PRKCE: variants seen among roughly 807,000 people sequenced by gnomAD.
PRKCE encodes the protein protein kinase C epsilon type.
In PRKCE, 16 loss-of-function variants were observed where a neutral mutation model predicts 85.4. The ratio of observed to expected loss-of-function variants is 0.19; its 90% CI spans 0.13 to 0.28. The LOEUF (loss-of-function observed/expected upper bound fraction) is 0.28, where lower values mean the gene tolerates loss of function less well. Among genes scored for constraint, PRKCE ranks in the 10% least tolerant of loss-of-function variants. PRKCE has a pLI of 1.00. For synonymous variants in PRKCE, 388 were observed against 371.5 expected, an observed-to-expected ratio of 1.04 and a Z score of -0.51; for missense variants, 573 against 975.2, an observed-to-expected ratio of 0.59 and a Z score of 5.49.
intron 1 of PRKCE, among the ~76,000 whole-genome samples, chr2:45,780,594 T>C (rs892681977): frequency 1.3e-5 from 2 of 152,194 alleles, no homozygotes; most frequent in Non-Finnish European, 2.9e-5. Context: ...CTTTCACTTG[T>C]CTTTCGAGGC....
At chr2:45,957,334 A>G (rs1338744840) in intron 2 of PRKCE, among the ~76,000 whole-genome samples, 1 of 152,212 alleles carries the variant, frequency 6.6e-6, no homozygotes, top group African/African-American at 2.4e-5. Context: ...TTATGCATGG[A>G]CATTCAATTG....
chr2:46,083,009 G>A (rs1004967156), intron 10 of PRKCE, among the ~76,000 whole-genome samples: 2 of 152,074 alleles, frequency 1.3e-5, no homozygotes, highest in African/African-American at 2.4e-5. Flanking sequence ...GTGCAGTGGC[G>A]CAATCTCAGC....
intron 2 of PRKCE, among the ~76,000 whole-genome samples, chr2:45,948,031 C>A (rs1299810152): frequency 6.6e-6 from 1 of 152,198 alleles, no homozygotes; most frequent in Non-Finnish European, 1.5e-5. Flanking sequence ...GCATTGCTCA[C>A]CTACGTGAAT....
intron 2 of PRKCE, among the ~76,000 whole-genome samples, chr2:45,957,221 T>A (rs1701032994): frequency 2.6e-5 from 4 of 152,262 alleles, no homozygotes; most frequent in Admixed American, 6.5e-5. Context: ...TCACAAAGAT[T>A]TTTTGTGTTT....
rs1262632649 is a variant in PRKCE at position 46,139,080 on chromosome 2, C to T, written c.1593-6013C>T. ...CAACAAGGGCTATCGCAAAGGCATT[C>T]AGGCTGAGGGGGAAATGCTAGGAGT... On this transcript the variant is annotated intron_variant, in intron 11 of 14. Coordinates refer to ENST00000306156, the MANE Select transcript of PRKCE (RefSeq NM_005400.3). The surrounding 1 kb of genome is among the most constrained non-coding windows in gnomAD (Gnocchi z 5.2). 6.6e-6 allele frequency among the ~76,000 whole-genome samples: 1 copy of T among 152,154 alleles called. No homozygotes were observed.
chr2:46,176,885 G>A (rs1048166524), intron 14 of PRKCE, among the ~76,000 whole-genome samples: 3 of 152,206 alleles, frequency 2.0e-5, no homozygotes, highest in Non-Finnish European at 4.4e-5. Flanking sequence ...AAAGCTGGAG[G>A]ATACAGCAGA....
intron 2 of PRKCE, among the ~76,000 whole-genome samples, chr2:45,925,658 A>G (rs1436572169): frequency 6.6e-6 from 1 of 152,252 alleles, no homozygotes; most frequent in African/African-American, 2.4e-5. Flanking sequence ...CCTAGGATAC[A>G]TCCATCCGAG....
intron 11 of PRKCE, among the ~76,000 whole-genome samples, chr2:46,125,653 A>G (rs948146591): frequency 6.6e-6 from 1 of 152,184 alleles, no homozygotes; most frequent in African/African-American, 2.4e-5. Context: ...TCTTTGAATA[A>G]TTTTCTTCTC....
At chr2:45,945,737 G>C (rs1250486191) in intron 2 of PRKCE, among the ~76,000 whole-genome samples, 1 of 152,230 alleles carries the variant, frequency 6.6e-6, no homozygotes, top group Non-Finnish European at 1.5e-5. Context: ...CTGCATAACT[G>C]TGCTCCACTG....
intron 2 of PRKCE, among the ~76,000 whole-genome samples, chr2:45,914,829 C>T (rs1223910399): frequency 6.6e-6 from 1 of 152,170 alleles, no homozygotes; most frequent in African/African-American, 2.4e-5. Flanking sequence ...GGGGAGTGAT[C>T]CATGCATACG....
At chr2:45,686,514 C>A (rs1262488655) in intron 1 of PRKCE, among the ~76,000 whole-genome samples, 1 of 152,012 alleles carries the variant, frequency 6.6e-6, no homozygotes, top group Non-Finnish European at 1.5e-5. Flanking sequence ...CTATTTATTA[C>A]AAATGATAAG....
chr2:45,813,412 C>T (rs1412260617), intron 1 of PRKCE, among the ~76,000 whole-genome samples: 2 of 152,156 alleles, frequency 1.3e-5, no homozygotes, highest in East Asian at 3.9e-4. Flanking sequence ...GAAGCAGATG[C>T]AGTGCTAAGG....
At chr2:45,733,181 C>A (rs1280297084) in intron 1 of PRKCE, among the ~76,000 whole-genome samples, 1 of 152,234 alleles carries the variant, frequency 6.6e-6, no homozygotes, top group Non-Finnish European at 1.5e-5. Flanking sequence ...AGGTATCAGA[C>A]TGACTGCATG....
intron 2 of PRKCE, among the ~76,000 whole-genome samples, chr2:45,934,598 G>A (rs1392250262): frequency 6.8e-6 from 1 of 148,090 alleles, no homozygotes; most frequent in East Asian, 2.0e-4. Context: ...GCAGTGAGCC[G>A]AGATCACACC....
intron 11 of PRKCE, among the ~76,000 whole-genome samples, chr2:46,134,545 A>G (rs1305991511): frequency 2.0e-5 from 3 of 152,250 alleles, no homozygotes; most frequent in South Asian, 2.1e-4. Flanking sequence ...GGTTTGCTCC[A>G]AAGTGGAAAG....
At chr2:45,769,671 G>C (rs1685166556) in intron 1 of PRKCE, among the ~76,000 whole-genome samples, 1 of 152,108 alleles carries the variant, frequency 6.6e-6, no homozygotes, top group Non-Finnish European at 1.5e-5. Context: ...TTTTCTATGG[G>C]TTTTAGCCAG....
chr2:45,958,190 CAAAAAAAAA>C (rs60711691), intron 2 of PRKCE, among the ~76,000 whole-genome samples: 11 of 110,088 alleles, frequency 1.0e-4, no homozygotes, highest in East Asian at 2.7e-4. Context: ...ATTAGGCCCG[CAAAAAAAAA>C]AAAAAAAAAA....
At position 45,711,930 on chromosome 2, in the gene PRKCE, T is replaced by C. The variant is rs541930326; in HGVS notation, c.348+59482T>C. 2.6e-5 allele frequency among the ~76,000 whole-genome samples: 4 copies of C among 151,944 alleles called. No individual in the cohort carries two copies. The Middle Eastern group carries it at 0.014, about 517-fold the overall frequency. ...GAGCCAACACGCCCGGCCTCCATTATTATTAGTAACTTTATATTATGTCCT... is the reference window on the plus strand; with the variant it reads ...GAGCCAACACGCCCGGCCTCCATTACTATTAGTAACTTTATATTATGTCCT... On this transcript the variant is annotated intron_variant, in intron 1 of 14. Transcript: ENST00000306156.
chr2:45,825,316 TG>T (rs887873185), intron 1 of PRKCE, among the ~76,000 whole-genome samples: 1 of 152,246 alleles, frequency 6.6e-6, no homozygotes, highest in African/African-American at 2.4e-5. Flanking sequence ...GCCTGGGACT[TG>T]GGGGGGCCCT....
Sources: allele counts gnomAD v4.1 joint callset (sites outside exome capture counted in the v4.1 genomes callset), GRCh38; gene constraint gnomAD v4.1.1; non-coding constraint Gnocchi (gnomAD v3.1); transcripts MANE v1.5; gene names NCBI Gene and HGNC (gene_info 2026-07-23, HGNC 2026-07-21).